The following AFF2 variants were observed in gnomAD, a reference collection of about 807,000 sequenced individuals.
The protein encoded by AFF2 is ALF transcription elongation factor 2.
Under a neutral mutation model 76.9 loss-of-function variants are expected in AFF2, and 14 were observed. The observed-to-expected ratio is 0.18, with a 90% CI of 0.12 to 0.28. AFF2 has a LOEUF of 0.28. AFF2 is among the 10% of genes least tolerant of loss of function. AFF2 has a pLI of 1.00. For synonymous variants in AFF2, 398 were observed against 366.7 expected, an observed-to-expected ratio of 1.09 and a Z score of -0.98; for missense variants, 868 against 1,001.1, an observed-to-expected ratio of 0.87 and a Z score of 1.79.
chrX:148,563,975 G>C (rs2053141806), intron 1 of AFF2, among the ~76,000 whole-genome samples: 1 of 111,755 alleles, frequency 8.9e-6, no homozygotes, highest in South Asian at 3.8e-4. Context: ...ACTATCTTTT[G>C]TTTCTAATGC....
At chrX:148,792,994 A>T (rs183411460) in intron 3 of AFF2, among the ~76,000 whole-genome samples, 1 of 111,809 alleles carries the variant, frequency 8.9e-6, no homozygotes, top group African/African-American at 3.3e-5. Context: ...AATAAGTACT[A>T]TTATTTTCTG....
In AFF2 at chrX:148,997,891, CAATTT is replaced by C. The variant is rs2072624549; in HGVS notation, c.*6560_*6564del. ...AAATGAGATTGATTCCATCTCAAGA[CAATTT>C]GTCAAATACTTAATTTTCTTCCTGG... On this transcript the variant is annotated 3_prime_UTR_variant, in exon 21 of 21. Transcript: ENST00000370460. 8.9e-6 allele frequency: 1 copy of C among 112,399 alleles called. No individual in the cohort carries two copies. The highest frequency in any genetic ancestry group is 1.9e-5 in the Non-Finnish European group (1 of 53,273). 9.3% of individuals were successfully genotyped at this position (112,399 alleles called of 1,213,427 possible).
Position 148,676,655 on chromosome X carries a change from T to C in AFF2, c.1041+13887T>C, listed in dbSNP as rs782108274. 3.6e-5 allele frequency among the ~76,000 whole-genome samples: 4 copies of C among 112,081 alleles called. No homozygotes were observed. The East Asian group carries it at 1.1e-3, about 32-fold the overall frequency. The stretch of plus-strand genomic sequence containing the variant: ...TATCTGAGGTGTTTAGAAAAGCTTT[T>C]TCAAGGAGGTAGTAACTTGAGGCTA... On this transcript the variant is annotated intron_variant, in intron 3 of 20. Coordinates refer to ENST00000370460, the MANE Select transcript of AFF2 (RefSeq NM_002025.4).
At chrX:148,861,052 A>C (rs1463609003) in intron 7 of AFF2, among the ~76,000 whole-genome samples, 1 of 111,705 alleles carries the variant, frequency 9.0e-6, no homozygotes, top group African/African-American at 3.2e-5. Flanking sequence ...AAAAGAAAAG[A>C]TCCAATTGTG....
chrX:148,935,163 T>C (rs1256996268), intron 9 of AFF2, among the ~76,000 whole-genome samples: 11 of 107,428 alleles, frequency 1.0e-4, no homozygotes, highest in Non-Finnish European at 1.3e-4. Flanking sequence ...TTATTTTACA[T>C]ATATATATAT....
chrX:148,885,374 C>T (rs1184325926), intron 7 of AFF2, among the ~76,000 whole-genome samples: 4 of 111,366 alleles, frequency 3.6e-5, no homozygotes, highest in Non-Finnish European at 7.5e-5. Flanking sequence ...AGCTCTTTTG[C>T]GGCCACCCAG....
chrX:148,641,504 G>A (rs1175416396), intron 1 of AFF2, among the ~76,000 whole-genome samples: 1 of 111,516 alleles, frequency 9.0e-6, no homozygotes, highest in African/African-American at 3.3e-5. Context: ...AGAATGAATC[G>A]AGTGCAATAT....
intron 3 of AFF2, among the ~76,000 whole-genome samples, chrX:148,690,567 C>T (rs2054640753): frequency 8.9e-6 from 1 of 112,276 alleles, no homozygotes; most frequent in Non-Finnish European, 1.9e-5. Flanking sequence ...CTCCTTTCTT[C>T]ATTATATCAG....
intron 3 of AFF2, among the ~76,000 whole-genome samples, chrX:148,698,337 A>G (rs782471882): frequency 8.9e-6 from 1 of 112,599 alleles, no homozygotes; most frequent in East Asian, 2.8e-4. Context: ...TTGATGCTGT[A>G]TGCAGTTTCT....
intron 3 of AFF2, among the ~76,000 whole-genome samples, chrX:148,702,524 C>T (rs1485643308): frequency 6.3e-5 from 7 of 111,545 alleles, no homozygotes; most frequent in Non-Finnish European, 1.1e-4. Flanking sequence ...CCTTCAGTGC[C>T]GCAATCAGGC....
rs781880701 is a variant in AFF2, at chrX:148,776,243, T to A, written c.1042-33633T>A. On this transcript the variant is annotated intron_variant, in intron 3 of 20. Coordinates refer to ENST00000370460, the MANE Select transcript of AFF2 (RefSeq NM_002025.4). Reference sequence around the variant, plus strand: ...CATGGTGTATATGTACCACATTTTCTTTATCCAATCTAACATTAATGGGCA... The same window carrying A: ...CATGGTGTATATGTACCACATTTTCATTATCCAATCTAACATTAATGGGCA... Among the ~76,000 whole-genome samples, 14 of 112,543 alleles carry A rather than the reference T, an allele frequency of 1.2e-4. No individual in the cohort carries two copies. In the South Asian group the frequency reaches 4.8e-3, roughly 39 times the overall value.
At chrX:148,584,987 T>G (rs1442259644) in intron 1 of AFF2, among the ~76,000 whole-genome samples, 1 of 111,791 alleles carries the variant, frequency 8.9e-6, no homozygotes, top group Non-Finnish European at 1.9e-5. Context: ...AATTAAATCT[T>G]TCCAAATTCA....
chrX:148,886,183 A>G (rs2071157891), intron 8 of AFF2, among the ~76,000 whole-genome samples, 198 bp downstream of exon 8: 1 of 111,489 alleles, frequency 9.0e-6, no homozygotes, highest in Non-Finnish European at 1.9e-5. Context: ...TATAGTAAGG[A>G]GATGCAGAGC....
chrX:148,512,984 G>A (rs1435920599), intron 1 of AFF2, among the ~76,000 whole-genome samples: 1 of 111,600 alleles, frequency 9.0e-6, no homozygotes, highest in Admixed American at 9.5e-5. Context: ...TTTAGGGGTA[G>A]TACTAAGAAC....
At chrX:148,979,923 C>A (rs1557290689) in intron 18 of AFF2, among the ~76,000 whole-genome samples, 1 of 112,155 alleles carries the variant, frequency 8.9e-6, no homozygotes. Flanking sequence ...AGAAGATGAG[C>A]ATCACTGGGG....
chrX:148,821,798 T>C, intron 4 of AFF2, among the ~76,000 whole-genome samples: 1 of 111,925 alleles, frequency 8.9e-6, no homozygotes, highest in Admixed American at 9.5e-5. Context: ...CATTAGGTCA[T>C]AGTCTGTGTG....
chrX:148,538,904 C>G (rs1217682270), intron 1 of AFF2, among the ~76,000 whole-genome samples: 1 of 111,121 alleles, frequency 9.0e-6, no homozygotes, highest in Non-Finnish European at 1.9e-5. Context: ...TAATAGCTAC[C>G]CAAGATAGTT....
At position 148,992,716 on chromosome X, in the gene AFF2, T is replaced by G. The variant is rs782366697; in HGVS notation, c.*1384T>G. On this transcript the variant is annotated 3_prime_UTR_variant, in exon 21 of 21. Transcript: ENST00000370460. ...CACCTAATTTGGAGACATTTCTCAC[T>G]GGTTGTGACTACCCCCTTATGATCC... is the stretch of plus-strand genomic sequence containing the variant. 1.2e-4 allele frequency: 13 copies of G among 112,335 alleles called. No homozygotes were observed. The highest frequency in any genetic ancestry group is 2.1e-4 in the Non-Finnish European group (11 of 53,242). The allele number at this position is 112,335 out of a possible 1,213,427, so 9.3% of individuals were successfully genotyped here.
intron 1 of AFF2, among the ~76,000 whole-genome samples, chrX:148,634,170 A>T (rs1298452136): frequency 8.9e-6 from 1 of 111,933 alleles, no homozygotes; most frequent in Non-Finnish European, 1.9e-5. Context: ...TCCCGATTTG[A>T]ACTACAATAA....
Sources: allele counts gnomAD v4.1 joint callset (sites outside exome capture counted in the v4.1 genomes callset), GRCh38; gene constraint gnomAD v4.1.1; transcripts MANE v1.5; gene names NCBI Gene and HGNC (gene_info 2026-07-23, HGNC 2026-07-21).